ATRAID: variants seen among roughly 807,000 people sequenced by gnomAD.
ATRAID encodes all-trans retinoic acid-induced differentiation factor.
A neutral mutation model predicts 28.8 loss-of-function variants in ATRAID; 26 were observed. The ratio of observed to expected loss-of-function variants is 0.90; its 90% CI spans 0.66 to 1.25. The LOEUF (loss-of-function observed/expected upper bound fraction) is 1.25. Among genes scored for constraint, ATRAID ranks in the 50% most tolerant of loss-of-function variants. The probability of loss-of-function intolerance (pLI) is 0.00; values close to 1 mark genes in which losing one functional copy is unlikely to be tolerated. For synonymous variants in ATRAID, 131 were observed against 108.5 expected (o/e 1.21, Z -1.29); for missense variants, 308 against 285.9 (o/e 1.08, Z -0.56).
Position 27,215,601 on chromosome 2 carries a change from C to G in ATRAID, c.366-31C>G, listed in dbSNP as rs1384799784. ...AGGGATGATGCTGTGAGTTTAGCAA[C>G]TTTGCATGTTATGACCACATTTCTC... is the stretch of plus-strand genomic sequence containing the variant. On this transcript the variant is annotated intron_variant, in intron 4 of 6. Coordinates refer to ENST00000380171, the MANE Select transcript of ATRAID (RefSeq NM_001170795.4). The G allele has an allele frequency of 5.6e-6, 9 of 1,614,186 alleles. No homozygotes were observed. In the Admixed American group the frequency reaches 1.0e-4, roughly 18 times the overall value.
intron 2 of ATRAID, 39 bp from the exon 3 acceptor site, chr2:27,215,280 AAG>A (rs1343307258): frequency 1.3e-6 from 2 of 1,595,562 alleles, no homozygotes; most frequent in African/African-American, 1.3e-5. Context: ...GCTGAAGAAA[AAG>A]AGGAACACAC....
rs1674797674 is a variant in ATRAID, at chr2:27,215,708, A to C, written c.442A>C (p.Ile148Leu). The change falls in exon 5 of 7, where the codon ATC (isoleucine) becomes CTC (leucine). Residue 148 changes from isoleucine (I) to leucine (L), a missense_variant. Ile to Leu is a conservative substitution (Grantham distance 5). Transcript: ENST00000380171. ...TATCACCTCTTATATAGACAACCAA[A>C]TCTGTCAAGGGCAAAAGAACCTTTG... ...NTITSYIDNQ[I>L]CQGQKNLCNN... is the part of the protein sequence containing the mutation. 5 of 1,614,008 alleles carry C rather than the reference A, an allele frequency of 3.1e-6. No homozygotes were observed. The highest frequency in any genetic ancestry group is 1.7e-5 in the Admixed American group (1 of 60,000).
chr2:27,212,627 A>G, intron 1 of ATRAID, 160 bp downstream of exon 1: 2 of 1,414,224 alleles, frequency 1.4e-6, no homozygotes, highest in Admixed American at 6.3e-5. Flanking sequence ...CCAAGTACTC[A>G]CGTCGTGCAG....
In ATRAID at chr2:27,212,448, G is replaced by C. The variant is rs1173839614; in HGVS notation, c.80G>C (p.Arg27Thr). 8 of 1,563,060 alleles carry C rather than the reference G, an allele frequency of 5.1e-6. No homozygotes were observed. Among genetic ancestry groups the C allele is most frequent in the Non-Finnish European group, 6.9e-6 (8 of 1,155,002 alleles). The change falls in exon 1 of 7, where the codon AGG (arginine) becomes ACG (threonine). Residue 27 changes from arginine to threonine, a missense_variant. Coordinates refer to ENST00000380171, the MANE Select transcript of ATRAID (RefSeq NM_001170795.4). ...AALLLALGVERALALPEICTQ... is the reference protein window; with the variant it reads ...AALLLALGVETALALPEICTQ... ...CTGCTCCTCGCTCTGGGCGTGGAAA[G>C]GGCTCTGGCGCTACCCGAGGTACAG...
Position 27,212,183 on chromosome 2 carries a change from C to A in ATRAID, c.-186C>A, listed in dbSNP as rs1441303077. 6.5e-7 allele frequency: 1 copy of A among 1,541,960 alleles called. No homozygotes were observed. Among genetic ancestry groups the A allele is most frequent in the South Asian group, 1.2e-5 (1 of 82,888 alleles). ...AAGGAAGAGGGGGTCGGCCAGTATCCCCGAAAGAGGGCTAGGGCGCATGAA... is the reference window on the plus strand; with the variant it reads ...AAGGAAGAGGGGGTCGGCCAGTATCACCGAAAGAGGGCTAGGGCGCATGAA... On this transcript the variant is annotated 5_prime_UTR_variant, in exon 1 of 7. Transcript: ENST00000380171.
chr2:27,216,479 T>A, intron 5 of ATRAID, 44 bp from the exon 6 acceptor site: 2 of 1,403,848 alleles, frequency 1.4e-6, no homozygotes, highest in Non-Finnish European at 1.0e-6. Context: ...ATATGCCTAA[T>A]GAAATGGATA....
In ATRAID at chr2:27,212,258, G is replaced by C. The variant is rs2148038445; in HGVS notation, c.-111G>C. 6.4e-7 allele frequency: 1 copy of C among 1,559,442 alleles called. No homozygotes were observed. The highest frequency in any genetic ancestry group is 2.4e-5 in the East Asian group (1 of 42,516). On this transcript the variant is annotated 5_prime_UTR_variant, in exon 1 of 7. Transcript: ENST00000380171. ...GGAAAAGCCCCCAAGCAGCCCCAGG[G>C]CGACTGGACCGGGCCGCTTAGGCCA... is the stretch of plus-strand genomic sequence containing the variant.
In ATRAID at chr2:27,212,402, C is replaced by A. The variant is rs981369967; in HGVS notation, c.34C>A (p.Leu12Met). The A allele has an allele frequency of 6.4e-7, 1 of 1,551,784 alleles. No individual in the cohort carries two copies. Among genetic ancestry groups the A allele is most frequent in the East Asian group, 2.4e-5 (1 of 41,018 alleles). Residue 12 changes from leucine to methionine, a missense_variant, in exon 1 of 7, where the codon CTG (leucine) becomes ATG (methionine). Coordinates refer to ENST00000380171, the MANE Select transcript of ATRAID (RefSeq NM_001170795.4). ...TCACGACCCGGGTAGTCTTACGACC[C>A]TGGTGCCCTGGGCTGCCGCCCTGCT... Reference protein sequence around the residue: ...APHDPGSLTTLVPWAAALLLA... With the variant: ...APHDPGSLTTMVPWAAALLLA...
intron 2 of ATRAID, 86 bp from the exon 3 acceptor site, chr2:27,215,235 A>G (rs2148045557): frequency 1.5e-6 from 2 of 1,314,846 alleles, no homozygotes; most frequent in South Asian, 2.4e-5. Context: ...TTAGCTGAAA[A>G]GGGGGTTGTG....
In ATRAID at chr2:27,212,250, G is replaced by T. The variant is rs1425859235; in HGVS notation, c.-119G>T. On this transcript the variant is annotated 5_prime_UTR_variant, in exon 1 of 7. Transcript: ENST00000380171. ...CACGAGCAGGAAAAGCCCCCAAGCA[G>T]CCCCAGGGCGACTGGACCGGGCCGC... 1.3e-6 allele frequency: 2 copies of T among 1,560,494 alleles called. No homozygotes were observed. The highest frequency in any genetic ancestry group is 1.2e-5 in the South Asian group (1 of 84,836).
At chr2:27,216,232 C>A (rs1674823502) in intron 5 of ATRAID, 2 of 397,606 alleles carry the variant, frequency 5.0e-6, no homozygotes, top group South Asian at 2.4e-5. Context: ...TAGGGTGGGG[C>A]AGAAACAAAT....
Position 27,216,971 on chromosome 2 carries a change from C to T in ATRAID, c.*23C>T, listed in dbSNP as rs1284880812. On this transcript the variant is annotated 3_prime_UTR_variant, in exon 7 of 7. Transcript: ENST00000380171. Reference sequence around the variant, plus strand: ...TGAACTACATAGGTCTTACCATTGACCTAAGATCAATCTGAACTATCTTAG... The same window carrying T: ...TGAACTACATAGGTCTTACCATTGATCTAAGATCAATCTGAACTATCTTAG... 1.3e-6 allele frequency: 2 copies of T among 1,568,854 alleles called. No homozygotes were observed. Among genetic ancestry groups the T allele is most frequent in the Admixed American group, 1.7e-5 (1 of 58,434 alleles).
chr2:27,215,175 G>A, intron 2 of ATRAID, 146 bp from the exon 3 acceptor site: 2 of 743,364 alleles, frequency 2.7e-6, no homozygotes, highest in Non-Finnish European at 4.4e-6. Context: ...GAATTAAAAT[G>A]TCTACCACAG....
At chr2:27,213,323 C>G in intron 2 of ATRAID, 25 bp downstream of exon 2, 1 of 1,610,026 alleles carries the variant, frequency 6.2e-7, no homozygotes, top group Non-Finnish European at 8.5e-7. Context: ...TCCCTAGATG[C>G]TGGATACAGG....
At position 27,215,661 on chromosome 2, in the gene ATRAID, G is replaced by C; in HGVS notation, c.395G>C (p.Gly132Ala). ...CTGCCACAACATGTCAACTGTCCTG[G>C]AGGAATTAATGCCTGGAATACTATC... ...LILPQHVNCPGGINAWNTITS... is the reference protein window; with the variant it reads ...LILPQHVNCPAGINAWNTITS... The change falls in exon 5 of 7, where the codon GGA (glycine) becomes GCA (alanine). Residue 132 changes from glycine to alanine, a missense_variant. Transcript: ENST00000380171. The C allele has an allele frequency of 6.2e-7, 1 of 1,614,204 alleles. No individual in the cohort carries two copies. Among genetic ancestry groups the C allele is most frequent in the Non-Finnish European group, 8.5e-7 (1 of 1,180,048 alleles).
Position 27,212,080 on chromosome 2 carries a change from G to A in ATRAID, c.-289G>A. The A allele has an allele frequency of 7.6e-7, 1 of 1,319,804 alleles. No homozygotes were observed. Among genetic ancestry groups the A allele is most frequent in the Non-Finnish European group, 1.0e-6 (1 of 990,224 alleles). The allele number at this position is 1,319,804 out of a possible 1,614,324, so 81.8% of individuals were successfully genotyped here. The stretch of plus-strand genomic sequence containing the variant: ...CCGCGACCTCGGCGTCCGGACGCGG[G>A]GAACACCGGGCTGAGGGAGTCTGCA... On this transcript the variant is annotated 5_prime_UTR_variant, in exon 1 of 7. Coordinates refer to ENST00000380171, the MANE Select transcript of ATRAID (RefSeq NM_001170795.4).
At position 27,213,192 on chromosome 2, in the gene ATRAID, C is replaced by G. The variant is rs1467162331; in HGVS notation, c.115C>G (p.Pro39Ala). 6.2e-7 allele frequency: 1 copy of G among 1,613,912 alleles called. No homozygotes were observed. Among genetic ancestry groups the G allele is most frequent in the Non-Finnish European group, 8.5e-7 (1 of 1,179,982 alleles). ...TCTTCTGCAGATATGCACCCAATGT[C>G]CAGGGAGCGTGCAAAATTTGTCAAA... is the stretch of plus-strand genomic sequence containing the variant. ...LALPEICTQC[P>A]GSVQNLSKVA... The change falls in exon 2 of 7, where the codon CCA becomes GCA. Residue 39 changes from proline to alanine, a missense_variant. Physicochemically the swap from Pro to Ala is conservative, Grantham distance 27. Transcript: ENST00000380171.
At chr2:27,213,100 C>G (rs1307634506) in intron 1 of ATRAID, 77 bp from the exon 2 acceptor site, 5 of 1,556,046 alleles carry the variant, frequency 3.2e-6, no homozygotes, top group Non-Finnish European at 2.6e-6. Flanking sequence ...CGTGTACTGG[C>G]AGTTAATTCT....
intron 1 of ATRAID, 92 bp from the exon 2 acceptor site, chr2:27,213,084 TG>T: frequency 1.3e-6 from 2 of 1,508,180 alleles, no homozygotes; most frequent in Non-Finnish European, 9.0e-7. Flanking sequence ...AGAGGAATTC[TG>T]GAAACGTGTA....
Sources: allele counts gnomAD v4.1 joint callset, GRCh38; gene constraint gnomAD v4.1.1; transcripts MANE v1.5; gene names NCBI Gene and HGNC (gene_info 2026-07-23, HGNC 2026-07-21).